The following FRMD6 variants were observed in gnomAD, a reference collection of about 807,000 sequenced individuals.
The protein encoded by FRMD6 is FERM domain containing 6.
In FRMD6, 37 loss-of-function variants were observed where a neutral mutation model predicts 73.2. That is an observed-to-expected ratio of 0.51 (90% CI 0.39 to 0.66). The LOEUF is 0.66. FRMD6 is among the 30% of genes least tolerant of loss of function. The probability of loss-of-function intolerance (pLI) is 0.00; values close to 1 mark genes in which losing one functional copy is unlikely to be tolerated. For synonymous variants in FRMD6, 273 were observed against 282.2 expected (o/e 0.97, Z 0.33); for missense variants, 714 against 780.5 (o/e 0.91, Z 1.02).
chr14:51,718,609 G>C (rs1897362757), intron 10 of FRMD6, among the ~76,000 whole-genome samples: 1 of 152,204 alleles, frequency 6.6e-6, no homozygotes, highest in Non-Finnish European at 1.5e-5. Context: ...TCAGAAGATG[G>C]GGATTGTTAG....
intron 2 of FRMD6, among the ~76,000 whole-genome samples, chr14:51,646,137 C>G (rs142329228): frequency 6.6e-6 from 1 of 151,476 alleles, no homozygotes; most frequent in Non-Finnish European, 1.5e-5. Flanking sequence ...GCTAACACAG[C>G]GAAACCCCGT....
At chr14:51,451,782 T>G in the FRMD6 span, among the ~76,000 whole-genome samples, 1 of 152,362 alleles carries the variant, frequency 6.6e-6, no homozygotes, top group East Asian at 1.9e-4. Context: ...CTTTTCCTTT[T>G]GCCATGACTG....
intron 1 of FRMD6, among the ~76,000 whole-genome samples, chr14:51,658,051 A>G (rs1379567876): frequency 6.6e-6 from 1 of 152,202 alleles, no homozygotes; most frequent in African/African-American, 2.4e-5. Context: ...AGGGCTACCA[A>G]CTGTAGCTGT....
chr14:51,698,907 A>G (rs541015549), intron 3 of FRMD6, among the ~76,000 whole-genome samples: 1 of 152,072 alleles, frequency 6.6e-6, no homozygotes, highest in East Asian at 1.9e-4. Flanking sequence ...TGATATTTTT[A>G]AATTTCTCTA....
chr14:51,725,832 G>A lies in FRMD6; in HGVS notation c.1546G>A (p.Val516Ile), dbSNP rs1389501602. 3.1e-6 allele frequency: 5 copies of A among 1,613,700 alleles called. No homozygotes were observed. The highest frequency in any genetic ancestry group is 1.3e-5 in the African/African-American group (1 of 74,920). The change falls in exon 13 of 14, where the codon GTT becomes ATT. Residue 516 changes from valine to isoleucine, a missense_variant. Val to Ile is a conservative substitution (Grantham distance 29). Coordinates refer to ENST00000344768, the MANE Select transcript of FRMD6 (RefSeq NM_001267046.2). ...SSTSSSSETV[V>I]KLRGQSTDSL... ...CACCTCGAGCTCTTCAGAAACAGTTGTTAAGCTTCGTGGCCAGAGTACTGA... is the reference window on the plus strand; with the variant it reads ...CACCTCGAGCTCTTCAGAAACAGTTATTAAGCTTCGTGGCCAGAGTACTGA...
the FRMD6 span, among the ~76,000 whole-genome samples, chr14:51,434,364 T>C: frequency 6.6e-6 from 1 of 152,172 alleles, no homozygotes; most frequent in African/African-American, 2.4e-5. Context: ...ACTCCAGGAT[T>C]GAGCCAGTGA....
intron 2 of FRMD6, among the ~76,000 whole-genome samples, chr14:51,582,658 C>A (rs1474143114): frequency 6.6e-6 from 1 of 152,160 alleles, no homozygotes; most frequent in East Asian, 1.9e-4. Context: ...CATCTCACTG[C>A]CAGTGGAATG....
chr14:51,542,430 A>G (rs74707486), intron 1 of FRMD6, among the ~76,000 whole-genome samples: 1 of 152,158 alleles, frequency 6.6e-6, no homozygotes, highest in Non-Finnish European at 1.5e-5. Context: ...AATGTTTTCA[A>G]GATTCATCCA....
chr14:51,544,986 A>G (rs1206515964), intron 1 of FRMD6, among the ~76,000 whole-genome samples: 2 of 152,112 alleles, frequency 1.3e-5, no homozygotes, highest in African/African-American at 4.8e-5. Flanking sequence ...CCATTTGGAA[A>G]GGGTTGTATT....
chr14:51,699,628 C>T (rs958109246), intron 3 of FRMD6, among the ~76,000 whole-genome samples: 2 of 151,976 alleles, frequency 1.3e-5, no homozygotes, highest in African/African-American at 2.4e-5. Flanking sequence ...AGTTTTTTCG[C>T]GTCAAATGGA....
chr14:51,454,160 C>T, the FRMD6 span, among the ~76,000 whole-genome samples: 1 of 152,172 alleles, frequency 6.6e-6, no homozygotes, highest in Non-Finnish European at 1.5e-5. Context: ...AATGCCATGG[C>T]ATTTCATTAG....
At chr14:51,429,400 A>C in the FRMD6 span, among the ~76,000 whole-genome samples, 19 of 148,338 alleles carry the variant, frequency 1.3e-4, no homozygotes, top group African/African-American at 4.3e-4. Flanking sequence ...GTTCAAAAAC[A>C]GTTTCACCTG....
At chr14:51,717,559 C>T (rs1897305198) in intron 10 of FRMD6, among the ~76,000 whole-genome samples, 1 of 152,128 alleles carries the variant, frequency 6.6e-6, no homozygotes, top group Admixed American at 6.5e-5. Context: ...ACATTCAAAC[C>T]ATAGCAGTAG....
chr14:51,563,737 TAAC>T (rs1456903495), intron 1 of FRMD6, among the ~76,000 whole-genome samples: 1 of 152,190 alleles, frequency 6.6e-6, no homozygotes, highest in Admixed American at 6.5e-5. Context: ...CATAGCTCAG[TAAC>T]AACTCAGAAG....
At chr14:51,424,004 C>T in the FRMD6 span, among the ~76,000 whole-genome samples, 3 of 152,138 alleles carry the variant, frequency 2.0e-5, no homozygotes, top group Non-Finnish European at 4.4e-5. Flanking sequence ...AAGAGTATTG[C>T]ATTTGAGCAT....
chr14:51,619,990 T>A (rs905093308), intron 2 of FRMD6, among the ~76,000 whole-genome samples: 5 of 152,140 alleles, frequency 3.3e-5, no homozygotes, highest in Non-Finnish European at 7.4e-5. Context: ...CTTTCAGAGG[T>A]GACCAGCAAA....
intron 2 of FRMD6, among the ~76,000 whole-genome samples, chr14:51,593,136 G>C (rs1001110401): frequency 6.6e-6 from 1 of 152,098 alleles, no homozygotes; most frequent in South Asian, 2.1e-4. Flanking sequence ...TTCATTGCAG[G>C]GTCCTCGGTG....
At chr14:51,688,511 T>A (rs149965948) in intron 1 of FRMD6, among the ~76,000 whole-genome samples, 2 of 152,336 alleles carry the variant, frequency 1.3e-5, no homozygotes, top group African/African-American at 4.8e-5. Flanking sequence ...TCGGCCAAGA[T>A]TCTATTTCAT....
At chr14:51,712,667 A>T in intron 9 of FRMD6, 116 bp downstream of exon 9, 1 of 686,924 alleles carries the variant, frequency 1.5e-6, no homozygotes, top group Non-Finnish European at 2.5e-6. Context: ...AAAAGCTGTT[A>T]TTTTTAAGAA....
Sources: allele counts gnomAD v4.1 joint callset (sites outside exome capture counted in the v4.1 genomes callset), GRCh38; gene constraint gnomAD v4.1.1; transcripts MANE v1.5; gene names NCBI Gene and HGNC (gene_info 2026-07-23, HGNC 2026-07-21).